Variants in RAN observed in about 807,000 individuals in gnomAD.
RAN encodes GTP-binding nuclear protein Ran.
RAN carries 2 observed loss-of-function variants against 26.8 expected under a neutral mutation model. The ratio of observed to expected loss-of-function variants is 0.07; its 90% CI spans 0.03 to 0.23. The LOEUF (loss-of-function observed/expected upper bound fraction) is 0.23, where lower values mean the gene tolerates loss of function less well. Among genes scored for constraint, RAN ranks in the 10% least tolerant of loss-of-function variants. RAN has a pLI of 1.00. For synonymous variants in RAN, 132 were observed against 95.9 expected, an observed-to-expected ratio of 1.38 and a Z score of -2.20; for missense variants, 56 against 264.8, an observed-to-expected ratio of 0.21 and a Z score of 5.47.
Position 130,873,070 on chromosome 12 carries a change from A to G in RAN, c.189A>G (p.Val63=), listed in dbSNP as rs2293512. 4.4e-4 allele frequency: 717 copies of G among 1,614,236 alleles called. 6 individuals carry two copies. In the East Asian group the frequency reaches 0.015, roughly 34 times the overall value. The change falls in exon 4 of 7, where the codon GTA becomes GTG. Residue 63 remains valine (V), a synonymous_variant. Coordinates refer to ENST00000543796, the MANE Select transcript of RAN (RefSeq NM_006325.5). ...HTNRGPIKFN[V]WDTAGQEKFG... ...ACAGAGGACCTATTAAGTTCAATGT[A>G]TGGGACACAGCCGGCCAGGAGAAAT...
rs537265010 is a variant in RAN, at chr12:130,877,582, C to T, written c.*1656C>T. Reference sequence around the variant, plus strand: ...TGTAACAGTTGAAATTTGGAAGTGACGTCACTTACCTGTCTAACGTGGTGT... The same window carrying T: ...TGTAACAGTTGAAATTTGGAAGTGATGTCACTTACCTGTCTAACGTGGTGT... On this transcript the variant is annotated 3_prime_UTR_variant, in exon 7 of 7. Coordinates refer to ENST00000543796, the MANE Select transcript of RAN (RefSeq NM_006325.5). 1 of 152,306 alleles carries T rather than the reference C, an allele frequency of 6.6e-6. No individual in the cohort carries two copies. The highest frequency in any genetic ancestry group is 2.4e-5 in the African/African-American group (1 of 41,562). The allele number at this position is 152,306 out of a possible 1,614,324, so 9.4% of individuals were successfully genotyped here. A position where few individuals can be genotyped will look rare whatever the true frequency, so the allele number is the denominator to read the frequency against.
rs1330917425 is a variant in RAN at position 130,872,137 on chromosome 12, C to G, written c.-11+11C>G. Reference sequence around the variant, plus strand: ...AGACGCTTCTGGAAGGTATCGCGACCCGGCGGGCCCGGCACGGCCGGGCGG... The same window carrying G: ...AGACGCTTCTGGAAGGTATCGCGACGCGGCGGGCCCGGCACGGCCGGGCGG... On this transcript the variant is annotated intron_variant, in intron 1 of 6. Coordinates refer to ENST00000543796, the MANE Select transcript of RAN (RefSeq NM_006325.5). 1 of 231,248 alleles carries G rather than the reference C, an allele frequency of 4.3e-6. No individual in the cohort carries two copies. Among genetic ancestry groups the G allele is most frequent in the Non-Finnish European group, 9.5e-6 (1 of 105,120 alleles). 14.3% of individuals were successfully genotyped at this position (231,248 alleles called of 1,614,324 possible). A position where few individuals can be genotyped will look rare whatever the true frequency, so the allele number is the denominator to read the frequency against.
intron 5 of RAN, among the ~76,000 whole-genome samples, chr12:130,875,392 GT>G (rs942983132): frequency 1.3e-5 from 2 of 151,156 alleles, no homozygotes; most frequent in Non-Finnish European, 2.9e-5. Flanking sequence ...CACCTAATTT[GT>G]TTTTTTGTGG....
chr12:130,873,519 T>C lies in RAN; in HGVS notation c.247+391T>C, dbSNP rs957260720. 1.5e-5 allele frequency: 3 copies of C among 199,788 alleles called. No homozygotes were observed. The Admixed American group carries it at 1.6e-4, about 11-fold the overall frequency. The allele number at this position is 199,788 out of a possible 1,614,324, so 12.4% of individuals were successfully genotyped here. On this transcript the variant is annotated intron_variant, in intron 4 of 6. Coordinates refer to ENST00000543796, the MANE Select transcript of RAN (RefSeq NM_006325.5). ...ACACCAGATACTAGACCAGAGGAGATAGGAGATCTTAACAAGTGTTATACA... is the reference window on the plus strand; with the variant it reads ...ACACCAGATACTAGACCAGAGGAGACAGGAGATCTTAACAAGTGTTATACA...
rs1953202965 is a variant in RAN at position 130,874,552 on chromosome 12, G to C, written c.254G>C (p.Cys85Ser). 6.3e-7 allele frequency: 1 copy of C among 1,581,336 alleles called. No individual in the cohort carries two copies. Among genetic ancestry groups the C allele is most frequent in the African/African-American group, 1.3e-5 (1 of 74,126 alleles). The change falls in exon 5 of 7, where the codon TGT (cysteine) becomes TCT (serine). Residue 85 changes from cysteine to serine, a missense_variant. By Grantham distance (112) the Cys-to-Ser change is moderately radical. Around this residue, in one of 2 missense-constraint regions of RAN, gnomAD observed 39 missense variants for 248.7 expected, o/e 0.16. Transcript: ENST00000543796. Reference protein sequence around the residue: ...LRDGYYIQAQCAIIMFDVTSR... With the variant: ...LRDGYYIQAQSAIIMFDVTSR... Reference sequence around the variant, plus strand: ...CCCACAAATGTTTCTTCAGCCCAGTGTGCCATCATAATGTTTGATGTAACA... The same window carrying C: ...CCCACAAATGTTTCTTCAGCCCAGTCTGCCATCATAATGTTTGATGTAACA...
chr12:130,874,523 A>G (rs780155171), intron 4 of RAN, 23 bp from the exon 5 acceptor site: 2 of 1,526,728 alleles, frequency 1.3e-6, no homozygotes, highest in South Asian at 1.2e-5. Flanking sequence ...TGAGTGTACT[A>G]ATTCCCACAA....
chr12:130,873,143 C>G lies in RAN; in HGVS notation c.247+15C>G. ...TTATATCCAAGGTAGGCATTTGTAA[C>G]TTGCTGAACGGTTTTTGAGAGGTTT... On this transcript the variant is annotated intron_variant, in intron 4 of 6. Transcript: ENST00000543796. 6 of 1,614,090 alleles carry G rather than the reference C, an allele frequency of 3.7e-6. No homozygotes were observed. Among genetic ancestry groups the G allele is most frequent in the Non-Finnish European group, 5.1e-6 (6 of 1,179,968 alleles).
rs1341472371 is a variant in RAN at position 130,877,392 on chromosome 12, T to C, written c.*1466T>C. On this transcript the variant is annotated 3_prime_UTR_variant, in exon 7 of 7. Coordinates refer to ENST00000543796, the MANE Select transcript of RAN (RefSeq NM_006325.5). ...TTCTTAAGATCTGAATTGCTGTGTA[T>C]GTTACGCTGTATTCAGAACCAGTTT... 1.3e-5 allele frequency: 2 copies of C among 152,284 alleles called. No individual in the cohort carries two copies. Among genetic ancestry groups the C allele is most frequent in the Non-Finnish European group, 2.9e-5 (2 of 68,044 alleles). 9.4% of individuals were successfully genotyped at this position (152,284 alleles called of 1,614,324 possible).
chr12:130,874,138 A>G (rs1321349803), intron 4 of RAN: 1 of 213,822 alleles, frequency 4.7e-6, no homozygotes, highest in Non-Finnish European at 9.9e-6. Context: ...CGTGAGCCAC[A>G]TTGCTTGGCC....
rs148448780 is a variant in RAN at position 130,875,126 on chromosome 12, G to A, written c.435+393G>A. On this transcript the variant is annotated intron_variant, in intron 5 of 6. Coordinates refer to ENST00000543796, the MANE Select transcript of RAN (RefSeq NM_006325.5). ...CAGGCATGAGCCACTGTGCCCGGCC[G>A]GAAATAATTTTGTCTTTTTTATACT... 2.6e-3 allele frequency among the ~76,000 whole-genome samples: 395 copies of A among 151,062 alleles called. 1 individual carries two copies. The highest frequency in any genetic ancestry group is 9.3e-3 in the African/African-American group (381 of 41,152).
intron 5 of RAN, among the ~76,000 whole-genome samples, 175 bp from the exon 6 acceptor site, chr12:130,875,437 C>G (rs879468236): frequency 6.6e-6 from 1 of 151,942 alleles, no homozygotes; most frequent in Non-Finnish European, 1.5e-5. Flanking sequence ...CAGGCCTGAT[C>G]GTGTACTATT....
intron 2 of RAN, 66 bp from the exon 3 acceptor site, chr12:130,872,770 C>T (rs1349374246): frequency 2.5e-6 from 4 of 1,595,362 alleles, no homozygotes; most frequent in African/African-American, 1.3e-5. Context: ...GGTTAAAGTT[C>T]CGTGACTCTG....
At chr12:130,873,158 T>C (rs1205601656) in intron 4 of RAN, 30 bp downstream of exon 4, 5 of 1,613,726 alleles carry the variant, frequency 3.1e-6, no homozygotes, top group Middle Eastern at 1.6e-4. Flanking sequence ...TGAACGGTTT[T>C]TGAGAGGTTT....
At chr12:130,872,544 G>A in intron 1 of RAN, 40 bp from the exon 2 acceptor site, 4 of 1,420,682 alleles carry the variant, frequency 2.8e-6, no homozygotes, top group South Asian at 3.2e-5. Context: ...ATGGGCTGCG[G>A]GGCCGCGCGA....
intron 2 of RAN, 66 bp downstream of exon 2, chr12:130,872,695 C>CTGGGGCCACGATGGCTGTAA: frequency 6.5e-7 from 1 of 1,543,342 alleles, no homozygotes; most frequent in African/African-American, 1.4e-5. Flanking sequence ...GTCCCTCCTC[C>CTGGGGCCACGATGGCTGTAA]TGGGGCCACG....
chr12:130,875,527 A>G lies in RAN; in HGVS notation c.436-85A>G, dbSNP rs546824457. 1.0e-5 allele frequency: 13 copies of G among 1,274,326 alleles called. No homozygotes were observed. In the South Asian group the frequency reaches 1.8e-4, roughly 18 times the overall value. The allele number at this position is 1,274,326 out of a possible 1,614,324, so 78.9% of individuals were successfully genotyped here. On this transcript the variant is annotated intron_variant, in intron 5 of 6. Transcript: ENST00000543796. ...CCACCATGCCTTGCCAAGAATCTTA[A>G]CATTTTCTTATCTTGCAATGTCCTA...
rs754911349 is a variant in RAN, at chr12:130,872,916, T to C, written c.117T>C (p.Tyr39=). The change falls in exon 3 of 7, where the codon TAT becomes TAC. Residue 39 remains tyrosine, a synonymous_variant. Transcript: ENST00000543796. ...TGACTGGTGAATTTGAGAAGAAGTA[T>C]GTAGGTATGTGCTGGAAAACCTTGC... The part of the protein sequence containing the change: ...RHLTGEFEKK[Y]VATLGVEVHP... The C allele has an allele frequency of 5.6e-6, 9 of 1,614,118 alleles. No homozygotes were observed. The highest frequency in any genetic ancestry group is 2.2e-5 in the East Asian group (1 of 44,900).
rs112617676 is a variant in RAN, at chr12:130,874,773, G to A, written c.435+40G>A. On this transcript the variant is annotated intron_variant, in intron 5 of 6. Transcript: ENST00000543796. Reference sequence around the variant, plus strand: ...AACTTCCTGAGTTATTTCTCTTAGCGGAGATTATATGTAAGACCATGAAAT... The same window carrying A: ...AACTTCCTGAGTTATTTCTCTTAGCAGAGATTATATGTAAGACCATGAAAT... 1.2e-4 allele frequency: 181 copies of A among 1,516,298 alleles called. 1 individual carries two copies. Among genetic ancestry groups the A allele is most frequent in the African/African-American group, 7.3e-4 (53 of 72,648 alleles). The allele number at this position is 1,516,298 out of a possible 1,614,324, so 93.9% of individuals were successfully genotyped here.
At chr12:130,874,380 G>C in intron 4 of RAN, 166 bp from the exon 5 acceptor site, 1 of 572,372 alleles carries the variant, frequency 1.7e-6, no homozygotes, top group Non-Finnish European at 3.0e-6. Context: ...GAGGAATTGT[G>C]TATTAACATT....
Sources: allele counts gnomAD v4.1 joint callset (sites outside exome capture counted in the v4.1 genomes callset), GRCh38; gene constraint gnomAD v4.1.1; regional missense constraint gnomAD v4.1.1; transcripts MANE v1.5; gene names NCBI Gene and HGNC (gene_info 2026-07-23, HGNC 2026-07-21).